The following KIF1B variants were observed in gnomAD, a reference collection of about 807,000 sequenced individuals.
KIF1B encodes the protein kinesin-like protein KIF1B.
In KIF1B, 76 loss-of-function variants were observed where a neutral mutation model predicts 241.9. The ratio of observed to expected loss-of-function variants is 0.31; its 90% CI spans 0.26 to 0.38. KIF1B has a LOEUF of 0.38. Ranked by LOEUF, KIF1B falls within the 10% of genes least tolerant of loss-of-function variation. The pLI is 1.00. For synonymous variants in KIF1B, 750 were observed against 796.7 expected, an observed-to-expected ratio of 0.94 and a Z score of 0.99; for missense variants, 1,622 against 2,271.4, an observed-to-expected ratio of 0.71 and a Z score of 5.81.
At chr1:10,283,138 C>T (rs542782051) in intron 15 of KIF1B, among the ~76,000 whole-genome samples, 15 of 129,500 alleles carry the variant, frequency 1.2e-4, no homozygotes, top group African/African-American at 2.4e-4. Context: ...ACCCAGGAGG[C>T]GGAGCTTGCA....
At chr1:10,232,474 T>G (rs1485899772) in intron 2 of KIF1B, 40 bp downstream of exon 2, 1 of 1,397,516 alleles carries the variant, frequency 7.2e-7, no homozygotes, top group East Asian at 2.3e-5. Context: ...GTATCTTACT[T>G]TCCTTTCTTC....
rs145248590 is a variant in KIF1B, at chr1:10,303,871, G to A, written c.2115+6625G>A. The A allele has an allele frequency of 2.4e-4, 380 of 1,614,200 alleles. 1 individual carries two copies. The African/African-American group carries it at 4.3e-3, about 18-fold the overall frequency. On this transcript the variant is annotated intron_variant, in intron 22 of 48. Transcript: ENST00000676179. This position sits in a 1 kb window ranked among gnomAD's most constrained non-coding sequence, Gnocchi z 5.2. Reference sequence around the variant, plus strand: ...GAATAATGTAAGTAAAGGAGACAATGGAGAACTTGCAAAAGAAGAACGTGT... The same window carrying A: ...GAATAATGTAAGTAAAGGAGACAATAGAGAACTTGCAAAAGAAGAACGTGT...
Position 10,267,315 on chromosome 1 carries a change from A to G in KIF1B, c.430-65A>G, listed in dbSNP as rs548851415. 10 of 1,458,282 alleles carry G rather than the reference A, an allele frequency of 6.9e-6. No individual in the cohort carries two copies. In the South Asian group the frequency reaches 1.0e-4, roughly 15 times the overall value. The allele number at this position is 1,458,282 out of a possible 1,614,324, so 90.3% of individuals were successfully genotyped here. On this transcript the variant is annotated intron_variant, in intron 5 of 48. Transcript: ENST00000676179. ...AGTGCTGGGATTACAGGCGTGAGCC[A>G]CCGCGCCCGGCTTCTGTATGTGATT...
At chr1:10,274,309 T>G (rs1648987672) in intron 10 of KIF1B, among the ~76,000 whole-genome samples, 1 of 152,208 alleles carries the variant, frequency 6.6e-6, no homozygotes, top group Admixed American at 6.5e-5. Flanking sequence ...CTGTTACCTG[T>G]AAAGCATTTG....
intron 27 of KIF1B, among the ~76,000 whole-genome samples, chr1:10,332,616 C>T (rs1196878157): frequency 7.2e-5 from 10 of 139,014 alleles, no homozygotes; most frequent in African/African-American, 1.1e-4. Flanking sequence ...CCCGGGTTCA[C>T]GCCATTCTCC....
chr1:10,280,781 T>C (rs1355643753), intron 14 of KIF1B, among the ~76,000 whole-genome samples: 7 of 152,364 alleles, frequency 4.6e-5, no homozygotes, highest in African/African-American at 1.4e-4. Context: ...GTGTTGCTGC[T>C]GCCAGCTTGT....
chr1:10,261,263 T>C (rs1648126947), intron 4 of KIF1B, among the ~76,000 whole-genome samples: 1 of 149,258 alleles, frequency 6.7e-6, no homozygotes, highest in African/African-American at 2.5e-5. Flanking sequence ...CCACTGCACC[T>C]GGCCAAATTT....
At chr1:10,256,902 G>A (rs998921958) in intron 3 of KIF1B, among the ~76,000 whole-genome samples, 1 of 151,904 alleles carries the variant, frequency 6.6e-6, no homozygotes, top group Non-Finnish European at 1.5e-5. Context: ...AGTAGAGACA[G>A]GATTTGACCA....
At chr1:10,250,876 C>T (rs1259444776) in intron 2 of KIF1B, among the ~76,000 whole-genome samples, 1 of 151,800 alleles carries the variant, frequency 6.6e-6, no homozygotes, top group African/African-American at 2.4e-5. Context: ...CTAAAAGCAG[C>T]TTGGGGGCGG....
At chr1:10,305,461 C>T (rs1557702895) in intron 22 of KIF1B, 2 of 1,058,942 alleles carry the variant, frequency 1.9e-6, no homozygotes, top group African/African-American at 1.6e-5. Context: ...AACAGAAATA[C>T]CAACAAAAAA....
intron 7 of KIF1B, among the ~76,000 whole-genome samples, chr1:10,270,035 T>C (rs1648703415): frequency 1.3e-5 from 2 of 152,164 alleles, no homozygotes; most frequent in East Asian, 1.9e-4. Flanking sequence ...TTGGATACTT[T>C]TGTCTAAACT....
chr1:10,330,948 A>C (rs1162814834), intron 27 of KIF1B, among the ~76,000 whole-genome samples: 5 of 152,204 alleles, frequency 3.3e-5, no homozygotes, highest in Non-Finnish European at 7.3e-5. Context: ...TGTTTGAAAT[A>C]AGACCTGAAG....
chr1:10,271,153 T>G (rs1199240298), intron 7 of KIF1B, among the ~76,000 whole-genome samples: 1 of 151,920 alleles, frequency 6.6e-6, no homozygotes, highest in African/African-American at 2.4e-5. Context: ...ATAATTGCTA[T>G]GAATTTTGTG....
At position 10,244,921 on chromosome 1, in the gene KIF1B, C is replaced by T. The variant is rs1024467002; in HGVS notation, c.107-11326C>T. 2.0e-5 allele frequency among the ~76,000 whole-genome samples: 3 copies of T among 152,110 alleles called. No individual in the cohort carries two copies. The South Asian group carries it at 6.2e-4, about 31-fold the overall frequency. On this transcript the variant is annotated intron_variant, in intron 2 of 48. Transcript: ENST00000676179. ...GCCACCGCGCCCGGCCGCCATTTTT[C>T]TTAATTGTTGCTCTAGGAGGCTTTT...
At chr1:10,308,892 GAGTTT>G (rs1275574372) in intron 22 of KIF1B, among the ~76,000 whole-genome samples, 2 of 152,104 alleles carry the variant, frequency 1.3e-5, no homozygotes, top group African/African-American at 2.4e-5. Flanking sequence ...TTTCTGATTT[GAGTTT>G]AGTTTAACCA....
At chr1:10,280,381 G>A (rs1410414048) in intron 14 of KIF1B, among the ~76,000 whole-genome samples, 2 of 151,954 alleles carry the variant, frequency 1.3e-5, no homozygotes, top group Non-Finnish European at 2.9e-5. Flanking sequence ...GACTATAGGT[G>A]CGCACCACCA....
Position 10,374,786 on chromosome 1 carries a change from T to C in KIF1B, c.5097-68T>C. 1 of 1,476,928 alleles carries C rather than the reference T, an allele frequency of 6.8e-7. No homozygotes were observed. The highest frequency in any genetic ancestry group is 9.5e-7 in the Non-Finnish European group (1 of 1,057,174). The allele number at this position is 1,476,928 out of a possible 1,614,324, so 91.5% of individuals were successfully genotyped here. ...GGACTTGGCCTAAGTGTGGCGTATT[T>C]TGATGGTCCTCAGCACGATTATTTT... is the stretch of plus-strand genomic sequence containing the variant. On this transcript the variant is annotated intron_variant, in intron 46 of 48. Transcript: ENST00000676179. This position sits in a 1 kb window ranked among gnomAD's most constrained non-coding sequence, Gnocchi z 4.3.
intron 1 of KIF1B, among the ~76,000 whole-genome samples, chr1:10,221,160 C>T (rs184333750): frequency 1.7e-5 from 2 of 116,944 alleles, no homozygotes; most frequent in Admixed American, 1.1e-4. Context: ...TGTAATGGTG[C>T]GATCTTGGCT....
chr1:10,271,476 G>T (rs1569651435), intron 7 of KIF1B, 26 bp from the exon 8 acceptor site: 1 of 1,523,610 alleles, frequency 6.6e-7, no homozygotes, highest in South Asian at 1.1e-5. Flanking sequence ...TTTTTGAATT[G>T]CCCCCATGTT....
Sources: gnomAD v4.1 joint callset for allele counts (sites outside exome capture counted in the v4.1 genomes callset) on GRCh38, gnomAD v4.1.1 for gene constraint, Gnocchi (gnomAD v3.1) non-coding constraint, MANE v1.5 for transcripts, NCBI Gene and HGNC (gene_info 2026-07-23, HGNC 2026-07-21) for gene names.